Variants in CLVS1 observed in about 807,000 individuals in gnomAD.
CLVS1 encodes clavesin-1.
Under a neutral mutation model 33.1 loss-of-function variants are expected in CLVS1, and 10 were observed. That is an observed-to-expected ratio of 0.30 (90% CI 0.19 to 0.51). The LOEUF is 0.51. CLVS1 is among the 20% of genes least tolerant of loss of function. CLVS1 has a pLI of 0.97. For missense variants in CLVS1, 343 were observed against 433.4 expected (o/e 0.79, Z 1.85); for synonymous variants, 163 against 166.1 (o/e 0.98, Z 0.14).
rs184482319 is a variant in CLVS1, at chr8:61,196,944, G to A, written c.-152+65084G>A. Among the ~76,000 whole-genome samples the A allele has an allele frequency of 5.9e-5, 9 of 152,250 alleles. No homozygotes were observed. In the East Asian group the frequency reaches 1.7e-3, roughly 29 times the overall value. On this transcript the variant is annotated intron_variant, in intron 2 of 2. Transcript: ENST00000522621. ...TTAAAAATCACTTGCCCTCTCCCGG[G>A]CTCTATCTCTTTTCCATGTGCTGAA... is the stretch of plus-strand genomic sequence containing the variant.
chr8:61,349,678 A>T (rs1220398969), intron 2 of CLVS1, among the ~76,000 whole-genome samples: 1 of 152,146 alleles, frequency 6.6e-6, no homozygotes, highest in African/African-American at 2.4e-5. Flanking sequence ...TCAGTAAGAA[A>T]CAATCTGAAT....
intron 2 of CLVS1, among the ~76,000 whole-genome samples, chr8:61,349,184 A>G (rs1359838322): frequency 6.6e-6 from 1 of 151,894 alleles, no homozygotes; most frequent in Non-Finnish European, 1.5e-5. Context: ...CACTCTGTTC[A>G]TTGTCTCCTT....
intron 2 of CLVS1, among the ~76,000 whole-genome samples, chr8:61,306,840 T>G (rs1426555271): frequency 6.6e-6 from 1 of 152,204 alleles, no homozygotes; most frequent in Non-Finnish European, 1.5e-5. Flanking sequence ...GGCTGCAGCA[T>G]TTGAGGCCAT....
At chr8:61,077,922 G>C (rs1804953482) in intron 1 of CLVS1, among the ~76,000 whole-genome samples, 1 of 152,196 alleles carries the variant, frequency 6.6e-6, no homozygotes, top group Admixed American at 6.5e-5. Context: ...GGGCAGGAAG[G>C]GGGCTCCGGC....
At chr8:61,466,023 G>C (rs762214484) in intron 5 of CLVS1, among the ~76,000 whole-genome samples, 12 of 152,078 alleles carry the variant, frequency 7.9e-5, no homozygotes, top group Non-Finnish European at 1.8e-4. Flanking sequence ...ATCATCAGCT[G>C]TTTTCTGTTC....
chr8:60,980,807 G>A, the CLVS1 span, among the ~76,000 whole-genome samples: 3 of 138,622 alleles, frequency 2.2e-5, no homozygotes, highest in African/African-American at 7.4e-5. Flanking sequence ...AAGAGAAAGG[G>A]TCTTTGCAGA....
At chr8:60,967,439 G>A in the CLVS1 span, 1 of 333,240 alleles carries the variant, frequency 3.0e-6, no homozygotes, top group East Asian at 8.8e-5. Context: ...TGGCTTGGCA[G>A]AGGGAAGGGG....
At chr8:61,261,554 C>T (rs1230460521) in intron 2 of CLVS1, among the ~76,000 whole-genome samples, 4 of 152,100 alleles carry the variant, frequency 2.6e-5, no homozygotes, top group African/African-American at 9.7e-5. Context: ...GGTTGAAGTC[C>T]TAACTCTCAA....
chr8:61,093,251 G>C (rs898770090), intron 1 of CLVS1, among the ~76,000 whole-genome samples: 3 of 152,160 alleles, frequency 2.0e-5, no homozygotes, highest in Admixed American at 1.3e-4. Flanking sequence ...ACACAAAACT[G>C]TGTCCCCTAT....
At chr8:61,311,977 C>CAGGCAACAAAA (rs1231822849) in intron 2 of CLVS1, among the ~76,000 whole-genome samples, 4 of 152,220 alleles carry the variant, frequency 2.6e-5, no homozygotes, top group Non-Finnish European at 5.9e-5. Context: ...TGCCTGTATG[C>CAGGCAACAAAA]TACATTCACT....
At chr8:61,350,798 A>G (rs1812424394) in intron 2 of CLVS1, among the ~76,000 whole-genome samples, 2 of 152,144 alleles carry the variant, frequency 1.3e-5, no homozygotes, top group Non-Finnish European at 2.9e-5. Context: ...CAGCAGCAAC[A>G]GAGAGCTCAG....
chr8:61,405,153 G>A (rs917471579), intron 3 of CLVS1, among the ~76,000 whole-genome samples: 14 of 152,210 alleles, frequency 9.2e-5, no homozygotes, highest in African/African-American at 3.4e-4. Context: ...CACTATCCTA[G>A]TCTTGTCTCT....
intron 3 of CLVS1, among the ~76,000 whole-genome samples, chr8:61,452,736 A>G (rs1247828530): frequency 1.3e-5 from 2 of 152,264 alleles, no homozygotes; most frequent in Non-Finnish European, 2.9e-5. Context: ...ATATATACAT[A>G]TTCTGAAGGC....
chr8:61,140,115 G>T (rs1806279693), intron 2 of CLVS1, among the ~76,000 whole-genome samples: 1 of 152,220 alleles, frequency 6.6e-6, no homozygotes, highest in African/African-American at 2.4e-5. Flanking sequence ...AAGCGAGCTG[G>T]GAGGGCTGGG....
chr8:61,026,243 C>G, the CLVS1 span, among the ~76,000 whole-genome samples: 1 of 152,140 alleles, frequency 6.6e-6, no homozygotes, highest in African/African-American at 2.4e-5. Flanking sequence ...CATGAGAAGA[C>G]ACAGAAAGCA....
At chr8:61,264,381 A>G (rs1318436568) in intron 2 of CLVS1, among the ~76,000 whole-genome samples, 1 of 152,182 alleles carries the variant, frequency 6.6e-6, no homozygotes, top group Non-Finnish European at 1.5e-5. Flanking sequence ...AATGGAAGGC[A>G]TTTATTTTCA....
chr8:61,109,474 A>G lies in CLVS1; in HGVS notation c.-242-22296A>G, dbSNP rs1805591001. Among the ~76,000 whole-genome samples, 2 of 152,162 alleles carry G rather than the reference A, an allele frequency of 1.3e-5. 1 individual carries two copies. The highest frequency in any genetic ancestry group is 4.1e-4 in the South Asian group (2 of 4,834). On this transcript the variant is annotated intron_variant, in intron 1 of 2. Coordinates refer to the CLVS1 transcript ENST00000522621. ...CCAAATATATTACACAATAGAATATATAATAACATAAATATTTATAAATTT... is the reference window on the plus strand; with the variant it reads ...CCAAATATATTACACAATAGAATATGTAATAACATAAATATTTATAAATTT...
chr8:61,188,377 T>C (rs1807388939), intron 2 of CLVS1, among the ~76,000 whole-genome samples: 1 of 152,074 alleles, frequency 6.6e-6, no homozygotes, highest in Non-Finnish European at 1.5e-5. Context: ...TAAGGCATAA[T>C]GACCACAAAG....
At chr8:61,240,077 A>G (rs1220919338) in intron 2 of CLVS1, among the ~76,000 whole-genome samples, 1 of 152,222 alleles carries the variant, frequency 6.6e-6, no homozygotes, top group Non-Finnish European at 1.5e-5. Context: ...TCCACCATAC[A>G]GGGAAAATCC....
Sources: gnomAD v4.1 joint callset for allele counts (sites outside exome capture counted in the v4.1 genomes callset) on GRCh38, gnomAD v4.1.1 for gene constraint, MANE v1.5 for transcripts, NCBI Gene and HGNC (gene_info 2026-07-23, HGNC 2026-07-21) for gene names.